The following CCDC171 variants were observed in gnomAD, a reference collection of about 807,000 sequenced individuals.
The protein encoded by CCDC171 is coiled-coil domain containing 171.
A neutral mutation model predicts 168.2 loss-of-function variants in CCDC171; 177 were observed. The observed-to-expected ratio is 1.05, with a 90% confidence interval of 0.93 to 1.19. The LOEUF (loss-of-function observed/expected upper bound fraction) is 1.19. Among genes scored for constraint, CCDC171 ranks in the 50% most tolerant of loss-of-function variants. The pLI is 0.00. For synonymous variants in CCDC171, 687 were observed against 540.8 expected (o/e 1.27, Z -3.75); for missense variants, 1,991 against 1,539.0 (o/e 1.29, Z -4.91).
chr9:15,897,962 G>A, intron 24 of CCDC171, among the ~76,000 whole-genome samples: 1 of 152,164 alleles, frequency 6.6e-6, no homozygotes, highest in Non-Finnish European at 1.5e-5. Context: ...AAGGTACTTA[G>A]CATCACTGAA....
At chr9:15,733,271 T>C (rs1010538647) in intron 16 of CCDC171, among the ~76,000 whole-genome samples, 1 of 152,170 alleles carries the variant, frequency 6.6e-6, no homozygotes, top group African/African-American at 2.4e-5. Context: ...AGCAGTACTT[T>C]TGCAAAGCAA....
chr9:16,032,911 G>C (rs1833389328), intron 6 of CCDC171, among the ~76,000 whole-genome samples: 1 of 152,186 alleles, frequency 6.6e-6, no homozygotes, highest in Non-Finnish European at 1.5e-5. Context: ...TGGATTCCAG[G>C]TTTAATGAGC....
intron 20 of CCDC171, among the ~76,000 whole-genome samples, chr9:15,779,898 A>T (rs1340902657): frequency 6.6e-6 from 1 of 152,232 alleles, no homozygotes; most frequent in East Asian, 1.9e-4. Context: ...TTCTGTTTGC[A>T]GTTGGGATAG....
intron 21 of CCDC171, among the ~76,000 whole-genome samples, chr9:15,791,172 A>G (rs560405516): frequency 3.9e-5 from 6 of 152,316 alleles, no homozygotes; most frequent in Admixed American, 2.6e-4. Flanking sequence ...CACTGAATGT[A>G]TAAATTACCT....
At chr9:15,588,470 A>T in intron 4 of CCDC171, 1 of 295,162 alleles carries the variant, frequency 3.4e-6, no homozygotes, top group South Asian at 3.7e-5. Context: ...AAGCCCAAAA[A>T]GCCTTCTTTG....
At chr9:16,007,117 C>G (rs890527281) in intron 3 of CCDC171, among the ~76,000 whole-genome samples, 1 of 152,164 alleles carries the variant, frequency 6.6e-6, no homozygotes, top group Non-Finnish European at 1.5e-5. Flanking sequence ...TTTTAATGAT[C>G]GCCTTTCTAA....
At chr9:15,944,186 C>G (rs1479829766) in intron 25 of CCDC171, among the ~76,000 whole-genome samples, 2 of 151,980 alleles carry the variant, frequency 1.3e-5, no homozygotes, top group Non-Finnish European at 2.9e-5. Context: ...ATTTTCTCAG[C>G]ATCATCTAGT....
At chr9:15,753,550 C>T (rs1291190311) in intron 18 of CCDC171, among the ~76,000 whole-genome samples, 1 of 152,070 alleles carries the variant, frequency 6.6e-6, no homozygotes, top group East Asian at 1.9e-4. Flanking sequence ...CCCCTTACAA[C>T]ACTTTCAATG....
At chr9:15,666,064 G>A (rs1357706662) in intron 8 of CCDC171, 99 bp from the exon 9 acceptor site, 13 of 1,022,660 alleles carry the variant, frequency 1.3e-5, no homozygotes, top group Non-Finnish European at 1.8e-5. Context: ...GAAGTGCTTG[G>A]ATGAATGATA....
intron 21 of CCDC171, among the ~76,000 whole-genome samples, chr9:15,813,716 A>G (rs1034883961): frequency 6.6e-6 from 1 of 151,942 alleles, no homozygotes; most frequent in Non-Finnish European, 1.5e-5. Flanking sequence ...TATTATTTTA[A>G]TTGATGTACA....
At chr9:15,595,090 C>G (rs2042244807) in intron 6 of CCDC171, among the ~76,000 whole-genome samples, 1 of 151,906 alleles carries the variant, frequency 6.6e-6, no homozygotes, top group Non-Finnish European at 1.5e-5. Context: ...TTATGTCTCA[C>G]AAACAACTTT....
At chr9:15,595,101 G>C (rs1413793055) in intron 6 of CCDC171, among the ~76,000 whole-genome samples, 1 of 151,758 alleles carries the variant, frequency 6.6e-6, no homozygotes, top group African/African-American at 2.4e-5. Flanking sequence ...AAACAACTTT[G>C]TAACACAGAA....
chr9:15,759,866 A>C (rs2056349674), intron 18 of CCDC171, among the ~76,000 whole-genome samples: 1 of 152,132 alleles, frequency 6.6e-6, no homozygotes, highest in African/African-American at 2.4e-5. Context: ...ATATTCCATA[A>C]TTTAACTGAT....
the CCDC171 span, among the ~76,000 whole-genome samples, chr9:16,072,663 G>A: frequency 1.2e-4 from 18 of 152,146 alleles, no homozygotes; most frequent in African/African-American, 3.4e-4. Context: ...TCTTGGGACG[G>A]CATCGTGATC....
At chr9:16,011,901 A>T (rs1832879124) in intron 3 of CCDC171, among the ~76,000 whole-genome samples, 1 of 152,120 alleles carries the variant, frequency 6.6e-6, no homozygotes, top group Non-Finnish European at 1.5e-5. Flanking sequence ...TTATCTTCTC[A>T]AGGGTTGTGC....
At chr9:15,593,467 G>GT (rs966295823) in intron 5 of CCDC171, among the ~76,000 whole-genome samples, 3 of 151,914 alleles carry the variant, frequency 2.0e-5, no homozygotes, top group Non-Finnish European at 4.4e-5. Flanking sequence ...TAAATTTCTT[G>GT]TTTTTTTGCT....
intron 3 of CCDC171, among the ~76,000 whole-genome samples, chr9:15,998,123 C>G (rs1832427429): frequency 6.6e-6 from 1 of 152,162 alleles, no homozygotes; most frequent in African/African-American, 2.4e-5. Flanking sequence ...CACCAAGTCC[C>G]CCAGAGAGAT....
At chr9:16,020,466 T>A (rs1318457783) in intron 3 of CCDC171, 1 of 153,560 alleles carries the variant, frequency 6.5e-6, no homozygotes, top group African/African-American at 2.4e-5. Context: ...AGATTTGTTT[T>A]TACTGCAGAT....
At chr9:15,691,831 C>G (rs2050821490) in intron 10 of CCDC171, among the ~76,000 whole-genome samples, 1 of 151,972 alleles carries the variant, frequency 6.6e-6, no homozygotes, top group Non-Finnish European at 1.5e-5. Flanking sequence ...GCATGTGCCA[C>G]CATGGCTGTC....
Sources: gnomAD v4.1 joint callset for allele counts (sites outside exome capture counted in the v4.1 genomes callset) on GRCh38, gnomAD v4.1.1 for gene constraint, MANE v1.5 for transcripts, NCBI Gene and HGNC (gene_info 2026-07-23, HGNC 2026-07-21) for gene names.